NEB: variants seen among roughly 807,000 people sequenced by gnomAD.
NEB encodes the protein nebulin, also known as nemaline myopathy type 2.
Under a neutral mutation model 952.2 loss-of-function variants are expected in NEB, and 512 were observed. The ratio of observed to expected loss-of-function variants is 0.54; its 90% CI spans 0.50 to 0.58. The LOEUF (loss-of-function observed/expected upper bound fraction) is 0.58, where lower values mean the gene tolerates loss of function less well. Among genes scored for constraint, NEB ranks in the 20% least tolerant of loss-of-function variants. The pLI, the probability that NEB is intolerant of heterozygous loss-of-function variation, is 0.00. For missense variants in NEB, 8,428 were observed against 9,231.1 expected, an observed-to-expected ratio of 0.91 and a Z score of 3.56; for synonymous variants, 2,900 against 3,149.8, an observed-to-expected ratio of 0.92 and a Z score of 2.66.
intron 76 of NEB, 94 bp downstream of exon 76, chr2:151,615,907 TA>T (rs1316157183): frequency 2.2e-6 from 2 of 898,102 alleles, no homozygotes; most frequent in Non-Finnish European, 3.5e-6. Flanking sequence ...TTGAGACTTA[TA>T]GGGGTAACTA....
At chr2:151,556,478 G>A (rs1322386182) in intron 124 of NEB, among the ~76,000 whole-genome samples, 3 of 152,182 alleles carry the variant, frequency 2.0e-5, no homozygotes, top group African/African-American at 7.2e-5. Context: ...TACAGAAAAT[G>A]TTCCTGATTA....
At chr2:151,526,349 G>A in intron 148 of NEB, 87 bp from the exon 149 acceptor site, 3 of 904,930 alleles carry the variant, frequency 3.3e-6, no homozygotes, top group Non-Finnish European at 5.4e-6. Context: ...TAGAACAGCA[G>A]CGTTGACAAT....
intron 9 of NEB, among the ~76,000 whole-genome samples, chr2:151,723,008 T>G (rs1559628380): frequency 6.6e-6 from 1 of 152,154 alleles, no homozygotes; most frequent in Non-Finnish European, 1.5e-5. Context: ...CAATAGGTTT[T>G]TAAAAATTGT....
chr2:151,674,531 C>T lies in NEB; in HGVS notation c.3933G>A (p.Leu1311=), dbSNP rs756238111. The T allele has an allele frequency of 4.3e-6, 7 of 1,613,974 alleles. No homozygotes were observed. The South Asian group carries it at 7.7e-5, about 18-fold the overall frequency. Residue 1311 remains leucine (L), a synonymous_variant, in exon 36 of 182, where the codon CTG becomes CTA. Transcript: ENST00000397345. ...YDLIAKGNNV[L]GDAIPITAAK... The stretch of plus-strand genomic sequence containing the variant: ...CTGCAGTGATGGGAATAGCATCGCC[C>T]AGCACATTGTTGCCCTTGGCTATTA...
intron 48 of NEB, among the ~76,000 whole-genome samples, chr2:151,657,006 CTAA>C (rs1464360770): frequency 6.6e-6 from 1 of 152,156 alleles, no homozygotes; most frequent in African/African-American, 2.4e-5. Context: ...TTAAGACTCT[CTAA>C]ACTGCTATAA....
In NEB at chr2:151,567,444, A is replaced by T. The variant is rs776382772; in HGVS notation, c.17880T>A (p.Gly5960=). Residue 5960 remains glycine (G), a synonymous_variant, in exon 114 of 182, where the codon GGT becomes GGA. Coordinates refer to ENST00000397345, the MANE Select transcript of NEB (RefSeq NM_001164508.2). ...KYKAEHVKQK[G]HYVGVPTMRD... is the part of the protein sequence containing the mutation. ...TCATCGTCGGGACACCAACATAATG[A>T]CCTTTTTGCTTCACATGTTCAGCTT... The T allele has an allele frequency of 1.2e-5, 20 of 1,612,706 alleles. No individual in the cohort carries two copies. The highest frequency in any genetic ancestry group is 4.0e-5 in the African/African-American group (3 of 74,860).
chr2:151,614,648 G>C (rs1470130088), intron 76 of NEB, 61 bp from the exon 77 acceptor site: 3 of 1,494,594 alleles, frequency 2.0e-6, no homozygotes, highest in African/African-American at 2.8e-5. Context: ...TGTTTCATAG[G>C]TTCACATTCA....
At position 151,506,242 on chromosome 2, in the gene NEB, T is replaced by C. The variant is rs766909197; in HGVS notation, c.23573A>G (p.Asp7858Gly). 14 of 1,612,966 alleles carry C rather than the reference T, an allele frequency of 8.7e-6. No individual in the cohort carries two copies. Among genetic ancestry groups the C allele is most frequent in the Non-Finnish European group, 9.3e-6 (11 of 1,179,066 alleles). ...TCCGATAGCCGTTCCTGGTGAGACATCCTCTTTATATAAAACCTGGGCATT... is the reference window on the plus strand; with the variant it reads ...TCCGATAGCCGTTCCTGGTGAGACACCCTCTTTATATAAAACCTGGGCATT... ...KNFSSVLYKE[D>G]VSPGTAIGKT... Residue 7858 changes from aspartate to glycine, a missense_variant, in exon 164 of 182, where the codon GAT (aspartate) becomes GGT (glycine). This residue lies in a region of NEB where 3,374 missense variants were observed against 3,651.5 expected (regional missense o/e 0.92). Transcript: ENST00000397345.
Position 151,575,805 on chromosome 2 carries a change from G to C in NEB, c.16909-6C>G. On this transcript the variant is annotated splice_polypyrimidine_tract_variant and splice_region_variant and intron_variant, in intron 106 of 181. Transcript: ENST00000397345. ...CAAACCTCTCTGTACTTTGGCTGTG[G>C]AAAGAAACAAAAATAATAAAATTAC... 1 of 1,539,732 alleles carries C rather than the reference G, an allele frequency of 6.5e-7. No homozygotes were observed. Among genetic ancestry groups the C allele is most frequent in the African/African-American group, 1.4e-5 (1 of 73,890 alleles).
Position 151,610,832 on chromosome 2 carries a change from G to C in NEB, c.11840C>G (p.Thr3947Ser). The C allele has an allele frequency of 1.2e-6, 2 of 1,602,744 alleles. No homozygotes were observed. The highest frequency in any genetic ancestry group is 1.7e-6 in the Non-Finnish European group (2 of 1,174,122). The change falls in exon 79 of 182, where the codon ACC becomes AGC. Residue 3947 changes from threonine to serine, a missense_variant. By Grantham distance (58) the Thr-to-Ser change is moderately conservative. Coordinates refer to ENST00000397345, the MANE Select transcript of NEB (RefSeq NM_001164508.2). ...LYTEAWDADK[T>S]SIHVMPDTPD... ...GGTGTCTGGCATCACGTGGATGGAG[G>C]TTTTGTCAGCATCCCAAGCTTCTGT...
At chr2:151,629,729 T>A in intron 67 of NEB, 83 bp from the exon 68 acceptor site, 1 of 1,185,880 alleles carries the variant, frequency 8.4e-7, no homozygotes, top group South Asian at 1.3e-5. Context: ...TATCCTAAAA[T>A]TTAAAAAAGG....
In NEB at chr2:151,571,066, C is replaced by T. The variant is rs185473377; in HGVS notation, c.17014-465G>A. On this transcript the variant is annotated intron_variant, in intron 107 of 181. Transcript: ENST00000397345. The stretch of plus-strand genomic sequence containing the variant: ...TGTTGCCCAGGCTGGAGGGCAATGG[C>T]ACCATCTCGGCTCACCCCAAACTCT... Among the ~76,000 whole-genome samples the T allele has an allele frequency of 2.8e-3, 430 of 152,206 alleles. 2 individuals are homozygous for T. The highest frequency in any genetic ancestry group is 5.2e-3 in the Non-Finnish European group (354 of 68,016).
At chr2:151,702,539 T>A (rs1295177620) in intron 13 of NEB, among the ~76,000 whole-genome samples, 1 of 151,958 alleles carries the variant, frequency 6.6e-6, no homozygotes, top group Non-Finnish European at 1.5e-5. Flanking sequence ...GCTTTATGAA[T>A]CTGGGTGTTC....
At chr2:151,635,477 C>T (rs751304945) in intron 64 of NEB, among the ~76,000 whole-genome samples, 7 of 152,052 alleles carry the variant, frequency 4.6e-5, no homozygotes, top group Non-Finnish European at 1.0e-4. Flanking sequence ...GAGCCTGAGG[C>T]AAGTGGATCA....
intron 13 of NEB, among the ~76,000 whole-genome samples, chr2:151,702,306 T>C (rs2099676026): frequency 6.6e-6 from 1 of 152,008 alleles, no homozygotes; most frequent in Admixed American, 6.5e-5. Context: ...AATTTTGGAA[T>C]AGGTGTGGTG....
intron 161 of NEB, among the ~76,000 whole-genome samples, chr2:151,510,395 G>C (rs1259726830): frequency 6.6e-6 from 1 of 152,190 alleles, no homozygotes; most frequent in Non-Finnish European, 1.5e-5. Context: ...AGGGACACTG[G>C]CTTTTAATAT....
intron 33 of NEB, 41 bp downstream of exon 33, chr2:151,677,835 A>T: frequency 6.2e-7 from 1 of 1,608,770 alleles, no homozygotes; most frequent in Non-Finnish European, 8.5e-7. Flanking sequence ...GCAGGCTCTG[A>T]ACTTAATAGG....
At chr2:151,498,988 C>A (rs943637563) in intron 169 of NEB, among the ~76,000 whole-genome samples, 1 of 151,808 alleles carries the variant, frequency 6.6e-6, no homozygotes, top group Non-Finnish European at 1.5e-5. Flanking sequence ...TTGCAAAATA[C>A]ATTTGTTTAA....
At position 151,650,193 on chromosome 2, in the gene NEB, C is replaced by T. The variant is rs766299923; in HGVS notation, c.7414G>A (p.Ala2472Thr). The T allele has an allele frequency of 1.2e-6, 2 of 1,613,788 alleles. No individual in the cohort carries two copies. The highest frequency in any genetic ancestry group is 1.7e-6 in the Non-Finnish European group (2 of 1,179,778). ...AMDIVLAKTN[A>T]KNRSDRLYRE... The stretch of plus-strand genomic sequence containing the variant: ...CTACTCACATCACTCCTATTTTTGG[C>T]ATTTGTCTTTGCCAGAACTATATCC... The change falls in exon 54 of 182, where the codon GCC (alanine) becomes ACC (threonine). Residue 2472 changes from alanine to threonine, a missense_variant. Coordinates refer to ENST00000397345, the MANE Select transcript of NEB (RefSeq NM_001164508.2).
Sources: gnomAD v4.1 joint callset for allele counts (sites outside exome capture counted in the v4.1 genomes callset) on GRCh38, gnomAD v4.1.1 for gene constraint, gnomAD v4.1.1 regional missense constraint, MANE v1.5 for transcripts, NCBI Gene and HGNC (gene_info 2026-07-23, HGNC 2026-07-21) for gene names.